Variants in ZNF433 observed in about 807,000 individuals in gnomAD.
ZNF433 encodes zinc finger protein 433.
Under a neutral mutation model 10.6 loss-of-function variants are expected in ZNF433, and 12 were observed. That is an observed-to-expected ratio of 1.13 (90% CI 0.72 to 1.83). The LOEUF is 1.83. Ranked by LOEUF, ZNF433 falls within the 40% of genes most tolerant of loss-of-function variation. The probability of loss-of-function intolerance (pLI) is 0.00; values close to 1 mark genes in which losing one functional copy is unlikely to be tolerated. For missense variants in ZNF433, 737 were observed against 798.0 expected (o/e 0.92, Z 0.92); for synonymous variants, 272 against 271.3 (o/e 1.00, Z -0.02).
In ZNF433 at chr19:12,014,938, CT is replaced by C; in HGVS notation, c.1919del (p.Glu640GlyfsTer28). On this transcript the variant is annotated frameshift_variant, in exon 4 of 4. Coordinates refer to ENST00000550507, the MANE Select transcript of ZNF433 (RefSeq NM_001308348.2). LOFTEE classifies it low-confidence loss of function (END_TRUNC). The stretch of plus-strand genomic sequence containing the variant: ...CACATTGGTTACATTTATAGGGTTT[CT>C]CTCCAGTGTGAGTCCTTCCATGCCT... ...LRRHGRTHTG[E>X]KPYKCNQCGK... is the part of the protein sequence containing the mutation. 6.2e-7 allele frequency: 1 copy of C among 1,613,988 alleles called. No homozygotes were observed. The highest frequency in any genetic ancestry group is 2.2e-5 in the East Asian group (1 of 44,886).
chr19:12,019,960 C>T (rs1974403813), intron 1 of ZNF433, among the ~76,000 whole-genome samples: 2 of 152,064 alleles, frequency 1.3e-5, no homozygotes, highest in South Asian at 4.1e-4. Flanking sequence ...AGTAAAAAAA[C>T]TAATTGATAT....
intron 3 of ZNF433, 89 bp downstream of exon 3, chr19:12,017,787 T>C: frequency 1.1e-6 from 1 of 883,856 alleles, no homozygotes; most frequent in Non-Finnish European, 1.7e-6. Flanking sequence ...TGTGCTTATT[T>C]CTTTTGTTTC....
chr19:12,031,306 A>C lies in ZNF433; in HGVS notation c.3+4231T>G, dbSNP rs202146626. On this transcript the variant is annotated intron_variant, in intron 1 of 3. Coordinates refer to ENST00000550507, the MANE Select transcript of ZNF433 (RefSeq NM_001308348.2). ...TGAGACTCCATCTCAAAAAAAAAAA[A>C]AAAACAAAACAAAAAAAAAAACAAA... Among the ~76,000 whole-genome samples the C allele has an allele frequency of 5.3e-3, 700 of 131,238 alleles. 8 individuals are homozygous for C. The highest frequency in any genetic ancestry group is 8.7e-3 in the South Asian group (41 of 4,726). The allele number at this position is 131,238 out of a possible 152,430, so 86.1% of individuals were successfully genotyped here.
At chr19:12,035,394 G>C (rs568284615) in intron 1 of ZNF433, 143 bp downstream of exon 1, 2 of 1,209,418 alleles carry the variant, frequency 1.7e-6, no homozygotes, top group Non-Finnish European at 2.3e-6. Context: ...GGGCCAAGGG[G>C]ACCAAGGGCC....
intron 1 of ZNF433, chr19:12,025,090 T>C (rs1393175092): frequency 1.3e-5 from 2 of 152,360 alleles, no homozygotes; most frequent in East Asian, 3.9e-4. Flanking sequence ...CAGATGGGTC[T>C]AGTAATGGTA....
At chr19:12,030,887 G>C (rs2145480810) in intron 1 of ZNF433, among the ~76,000 whole-genome samples, 1 of 152,260 alleles carries the variant, frequency 6.6e-6, no homozygotes, top group East Asian at 1.9e-4. Flanking sequence ...ACAAGCCTGA[G>C]CAACATGGTG....
At chr19:12,016,753 C>A in intron 3 of ZNF433, 87 bp from the exon 4 acceptor site, 1 of 1,478,986 alleles carries the variant, frequency 6.8e-7, no homozygotes, top group East Asian at 2.4e-5. Context: ...CATTTTTTCT[C>A]TTTTTTTTGA....
chr19:12,028,656 C>T (rs2145467953), intron 1 of ZNF433, among the ~76,000 whole-genome samples: 1 of 152,308 alleles, frequency 6.6e-6, no homozygotes, highest in East Asian at 1.9e-4. Context: ...GCCTGTTAAA[C>T]AAATTTGTAT....
At chr19:12,017,699 C>T (rs1974277457) in intron 3 of ZNF433, among the ~76,000 whole-genome samples, 177 bp downstream of exon 3, 1 of 152,038 alleles carries the variant, frequency 6.6e-6, no homozygotes, top group Admixed American at 6.6e-5. Context: ...AAATATAGTC[C>T]TGGGCCATTG....
intron 1 of ZNF433, 129 bp downstream of exon 1, chr19:12,035,408 C>A: frequency 7.5e-7 from 1 of 1,332,774 alleles, no homozygotes; most frequent in Non-Finnish European, 1.0e-6. Context: ...AAGGGCCGAG[C>A]TGTCCCACGG....
intron 1 of ZNF433, among the ~76,000 whole-genome samples, chr19:12,032,198 A>G (rs1975069822): frequency 6.6e-6 from 1 of 152,038 alleles, no homozygotes; most frequent in Non-Finnish European, 1.5e-5. Context: ...TCGACCTCCC[A>G]AAGTGTTGGG....
chr19:12,026,634 A>T (rs1467691957), intron 1 of ZNF433: 2 of 447,554 alleles, frequency 4.5e-6, no homozygotes, highest in African/African-American at 4.0e-5. Flanking sequence ...CCTATAATTG[A>T]GGCATACTGC....
In ZNF433 at chr19:12,035,614, T is replaced by G. The variant is rs554770473; in HGVS notation, c.-75A>C. 6.0e-5 allele frequency: 92 copies of G among 1,539,020 alleles called. No individual in the cohort carries two copies. In the South Asian group the frequency reaches 1.1e-3, roughly 18 times the overall value. ...CGACAGAAGCTATGGCAGAGGCACCTGAACCCTCTCGGAGGGGAAAGCCAG... is the reference window on the plus strand; with the variant it reads ...CGACAGAAGCTATGGCAGAGGCACCGGAACCCTCTCGGAGGGGAAAGCCAG... On this transcript the variant is annotated 5_prime_UTR_variant, in exon 1 of 4. Coordinates refer to ENST00000550507, the MANE Select transcript of ZNF433 (RefSeq NM_001308348.2).
intron 1 of ZNF433, among the ~76,000 whole-genome samples, chr19:12,033,653 T>C (rs1049804352): frequency 2.4e-4 from 36 of 151,804 alleles, no homozygotes; most frequent in African/African-American, 7.0e-4. Flanking sequence ...AAACCCCGTC[T>C]CTACTAAAAA....
chr19:12,018,392 A>G (rs1223372206), intron 1 of ZNF433, 100 bp from the exon 2 acceptor site: 1 of 1,386,232 alleles, frequency 7.2e-7, no homozygotes, highest in Non-Finnish European at 9.6e-7. Flanking sequence ...TGTGGACTCA[A>G]AACAATTATT....
chr19:12,032,494 T>TA (rs1204462484), intron 1 of ZNF433, among the ~76,000 whole-genome samples: 1 of 151,892 alleles, frequency 6.6e-6, no homozygotes, highest in Admixed American at 6.6e-5. Context: ...GATTTTTTTT[T>TA]TTTTTTTGAG....
chr19:12,021,423 A>G (rs1038660219), intron 1 of ZNF433, among the ~76,000 whole-genome samples: 1 of 152,106 alleles, frequency 6.6e-6, no homozygotes, highest in Non-Finnish European at 1.5e-5. Context: ...AGTATTTCCA[A>G]TCAAGTTCAA....
chr19:12,031,710 T>C (rs935546612), intron 1 of ZNF433, among the ~76,000 whole-genome samples: 3 of 151,886 alleles, frequency 2.0e-5, no homozygotes, highest in Non-Finnish European at 4.4e-5. Context: ...ATCTTGGCAA[T>C]ACAGGAAGAC....
intron 1 of ZNF433, among the ~76,000 whole-genome samples, chr19:12,035,328 C>T (rs1379564750): frequency 6.6e-6 from 1 of 152,194 alleles, no homozygotes; most frequent in Non-Finnish European, 1.5e-5. Context: ...TGACAGTCAC[C>T]GCGCAGGGAC....
Sources: gnomAD v4.1 joint callset for allele counts (sites outside exome capture counted in the v4.1 genomes callset) on GRCh38, gnomAD v4.1.1 for gene constraint, MANE v1.5 for transcripts, NCBI Gene and HGNC (gene_info 2026-07-23, HGNC 2026-07-21) for gene names.